Variants in METTL15 observed in about 807,000 individuals in gnomAD.
METTL15 encodes the protein methyltransferase 15, mitochondrial 12S rRNA N4-cytidine.
In METTL15, 34 loss-of-function variants were observed where a neutral mutation model predicts 38.3. That is an observed-to-expected ratio of 0.89 (90% CI 0.68 to 1.18). The LOEUF (loss-of-function observed/expected upper bound fraction) is 1.18, where lower values mean the gene tolerates loss of function less well. Among genes scored for constraint, METTL15 ranks in the 50% most tolerant of loss-of-function variants. The probability of loss-of-function intolerance (pLI) is 0.00; values close to 1 mark genes in which losing one functional copy is unlikely to be tolerated. For synonymous variants in METTL15, 162 were observed against 170.9 expected (o/e 0.95, Z 0.41); for missense variants, 438 against 498.4 (o/e 0.88, Z 1.15).
chr11:28,184,924 G>T (rs1319833297), intron 3 of METTL15, among the ~76,000 whole-genome samples: 1 of 151,372 alleles, frequency 6.6e-6, no homozygotes, highest in African/African-American at 2.4e-5. Flanking sequence ...ATTGAGAATG[G>T]TCTGATAGAC....
intron 4 of METTL15, among the ~76,000 whole-genome samples, chr11:28,238,688 G>A (rs962166090): frequency 7.2e-5 from 11 of 152,282 alleles, no homozygotes; most frequent in South Asian, 6.2e-4. Flanking sequence ...GAAATCACCC[G>A]TCTCCTGCGT....
chr11:28,190,190 T>G (rs1308623079), intron 3 of METTL15, among the ~76,000 whole-genome samples: 1 of 151,322 alleles, frequency 6.6e-6, no homozygotes, highest in African/African-American at 2.4e-5. Context: ...GTTCTTCTCT[T>G]GCTTGTGACT....
intron 3 of METTL15, among the ~76,000 whole-genome samples, chr11:28,144,683 C>G (rs887273935): frequency 6.6e-6 from 1 of 151,898 alleles, no homozygotes; most frequent in African/African-American, 2.4e-5. Flanking sequence ...TTATGTTTCT[C>G]TCTTGTAGTG....
chr11:28,303,452 G>T (rs980563212), intron 6 of METTL15, among the ~76,000 whole-genome samples: 1 of 151,990 alleles, frequency 6.6e-6, no homozygotes, highest in East Asian at 1.9e-4. Flanking sequence ...TGAGATTTAG[G>T]TTAAATAAAA....
chr11:28,328,126 A>G, intron 6 of METTL15: 1 of 1,611,832 alleles, frequency 6.2e-7, no homozygotes, highest in South Asian at 1.1e-5. Flanking sequence ...CAGTGGCCCA[A>G]ACTCTTTATT....
chr11:28,130,588 A>T (rs1189946513), intron 3 of METTL15, among the ~76,000 whole-genome samples: 1 of 150,370 alleles, frequency 6.7e-6, no homozygotes, highest in Non-Finnish European at 1.5e-5. Context: ...GAGCTGATGG[A>T]AAGGTCTAGC....
At chr11:28,111,313 T>C (rs1851708747) in intron 2 of METTL15, among the ~76,000 whole-genome samples, 1 of 152,230 alleles carries the variant, frequency 6.6e-6, no homozygotes, top group African/African-American at 2.4e-5. Context: ...ATAGTTCTTA[T>C]TCCTATGTTA....
intron 5 of METTL15, among the ~76,000 whole-genome samples, chr11:28,365,772 G>T (rs1850179299): frequency 6.6e-6 from 1 of 152,140 alleles, no homozygotes; most frequent in African/African-American, 2.4e-5. Context: ...AATGGGCCAG[G>T]CGCGGTGGCT....
rs543875957 is a variant in METTL15, at chr11:28,506,771, G to A, written c.*425-19707G>A. On this transcript the variant is annotated intron_variant and NMD_transcript_variant, in intron 6 of 7. Coordinates refer to the METTL15 transcript ENST00000532947. ...TTTTTTTTTTTTTTTTTGAGACAGA[G>A]TCTCACTCTGTTGCCCAGGATGGAG... is the stretch of plus-strand genomic sequence containing the variant. Among the ~76,000 whole-genome samples the A allele has an allele frequency of 4.8e-3, 594 of 123,826 alleles. 4 individuals carry two copies. The highest frequency in any genetic ancestry group is 7.6e-3 in the Non-Finnish European group (476 of 63,016). The allele number at this position is 123,826 out of a possible 152,430, so 81.2% of individuals were successfully genotyped here.
At chr11:28,123,917 C>T (rs763801247) in intron 3 of METTL15, 35 of 1,427,806 alleles carry the variant, frequency 2.5e-5, no homozygotes, top group Non-Finnish European at 3.0e-5. Context: ...GAATTTCCCA[C>T]TTGAGGCGAG....
At chr11:28,363,452 A>G (rs1850158138) in intron 5 of METTL15, among the ~76,000 whole-genome samples, 1 of 152,180 alleles carries the variant, frequency 6.6e-6, no homozygotes, top group East Asian at 1.9e-4. Context: ...GATTACAGAC[A>G]TGAGCCACTG....
chr11:28,205,983 G>C (rs896525737), intron 3 of METTL15, among the ~76,000 whole-genome samples: 1 of 141,380 alleles, frequency 7.1e-6, no homozygotes, highest in African/African-American at 2.8e-5. Flanking sequence ...ATTTGTTTGA[G>C]TTCATTGTAG....
chr11:28,113,221 T>TATTTCATAATCCTTTCA (rs1851788622), intron 2 of METTL15, 97 bp from the exon 3 acceptor site: 1 of 798,276 alleles, frequency 1.3e-6, no homozygotes, highest in Non-Finnish European at 1.9e-6. Flanking sequence ...AACTTTTTTT[T>TATTTCATAATCCTTTCA]GATGTGCTAA....
chr11:28,228,753 A>C lies in METTL15; in HGVS notation c.407+17555A>C, dbSNP rs890034297. Among the ~76,000 whole-genome samples the C allele has an allele frequency of 3.3e-5, 5 of 152,120 alleles. 1 individual carries two copies. Among genetic ancestry groups the C allele is most frequent in the Non-Finnish European group, 5.9e-5 (4 of 67,910 alleles). On this transcript the variant is annotated intron_variant, in intron 4 of 6. Coordinates refer to ENST00000407364, the MANE Select transcript of METTL15 (RefSeq NM_001113528.2). ...ATGTTGTATATTAAATATTCATTGA[A>C]GACAAAAACTATGTCTAACATGTCA...
chr11:28,454,762 T>C (rs1290372921), intron 6 of METTL15, among the ~76,000 whole-genome samples: 1 of 152,228 alleles, frequency 6.6e-6, no homozygotes, highest in African/African-American at 2.4e-5. Context: ...TCTCATATTT[T>C]CACCAACATA....
chr11:28,153,748 A>G (rs1158080340), intron 3 of METTL15, among the ~76,000 whole-genome samples: 1 of 152,160 alleles, frequency 6.6e-6, no homozygotes, highest in Non-Finnish European at 1.5e-5. Flanking sequence ...AGAAAATCCA[A>G]CAGATAAAAT....
At chr11:28,268,797 A>G (rs1367936787) in intron 4 of METTL15, among the ~76,000 whole-genome samples, 1 of 152,178 alleles carries the variant, frequency 6.6e-6, no homozygotes, top group African/African-American at 2.4e-5. Flanking sequence ...TTATTATTAC[A>G]TCTATCAGGG....
intron 5 of METTL15, among the ~76,000 whole-genome samples, chr11:28,403,029 A>T (rs1030002782): frequency 2.6e-5 from 4 of 152,008 alleles, no homozygotes; most frequent in African/African-American, 9.7e-5. Flanking sequence ...TGCCTGGAAC[A>T]TTCTTGCTCA....
rs879469634 is a variant in METTL15, at chr11:28,152,237, C to CT, written c.270+38645dup. Among the ~76,000 whole-genome samples the CT allele has an allele frequency of 6.2e-4, 89 of 143,248 alleles. 1 individual carries two copies. The highest frequency in any genetic ancestry group is 4.2e-3 in the South Asian group (19 of 4,522). 94.0% of individuals were successfully genotyped at this position (143,248 alleles called of 152,430 possible). ...TATATGTCCTCAAAGCCTATGTGTG[C>CT]TTTTTTTTTTTTAATTAACTGCAGC... On this transcript the variant is annotated intron_variant, in intron 3 of 6. Coordinates refer to ENST00000407364, the MANE Select transcript of METTL15 (RefSeq NM_001113528.2).
Sources: gnomAD v4.1 joint callset for allele counts (sites outside exome capture counted in the v4.1 genomes callset) on GRCh38, gnomAD v4.1.1 for gene constraint, MANE v1.5 for transcripts, NCBI Gene and HGNC (gene_info 2026-07-23, HGNC 2026-07-21) for gene names.